GABRG3: variants seen among roughly 807,000 people sequenced by gnomAD.
GABRG3 encodes the protein gamma-aminobutyric acid receptor subunit gamma-3.
In GABRG3, 25 loss-of-function variants were observed where a neutral mutation model predicts 48.8. The ratio of observed to expected loss-of-function variants is 0.51; its 90% CI spans 0.37 to 0.72. The LOEUF (loss-of-function observed/expected upper bound fraction) is 0.72, where lower values mean the gene tolerates loss of function less well. GABRG3 is among the 30% of genes least tolerant of loss of function. The probability of loss-of-function intolerance (pLI) is 0.00; values close to 1 mark genes in which losing one functional copy is unlikely to be tolerated. For synonymous variants in GABRG3, 227 were observed against 217.6 expected, an observed-to-expected ratio of 1.04 and a Z score of -0.38; for missense variants, 394 against 577.9, an observed-to-expected ratio of 0.68 and a Z score of 3.26.
chr15:27,188,282 A>G (rs552069841), intron 3 of GABRG3, among the ~76,000 whole-genome samples: 176 of 152,312 alleles, frequency 1.2e-3, no homozygotes, highest in African/African-American at 4.1e-3. Flanking sequence ...TTCTAGTTCT[A>G]GATCCCTGAG....
At chr15:27,135,375 C>A (rs1170813290) in intron 3 of GABRG3, among the ~76,000 whole-genome samples, 1 of 152,134 alleles carries the variant, frequency 6.6e-6, no homozygotes, top group Non-Finnish European at 1.5e-5. Flanking sequence ...AGTGGCTGTT[C>A]TTATGTGCTT....
rs1893336106 is a variant in GABRG3, at chr15:27,319,187, T to G, written c.271-7622T>G. Among the ~76,000 whole-genome samples the G allele has an allele frequency of 6.6e-6, 1 of 152,176 alleles. No homozygotes were observed. ...TCATGCATCTTGAACATAGAGAATT[T>G]TTATTTGTCAATTCTAGCTCAGTAA... On this transcript the variant is annotated intron_variant, in intron 3 of 9. Coordinates refer to ENST00000615808, the MANE Select transcript of GABRG3 (RefSeq NM_033223.5). This position sits in a 1 kb window ranked among gnomAD's most constrained non-coding sequence, Gnocchi z 4.4.
At chr15:27,404,017 T>C (rs1383234806) in intron 5 of GABRG3, among the ~76,000 whole-genome samples, 2 of 149,706 alleles carry the variant, frequency 1.3e-5, no homozygotes, top group East Asian at 3.9e-4. Context: ...GTCAGGAGAT[T>C]AAGACCAACC....
Position 27,520,128 on chromosome 15 carries a change from A to G in GABRG3, c.865+4A>G. 6.3e-7 allele frequency: 1 copy of G among 1,587,954 alleles called. No homozygotes were observed. Among genetic ancestry groups the G allele is most frequent in the Middle Eastern group, 1.7e-4 (1 of 6,018 alleles). On this transcript the variant is annotated splice_donor_region_variant and intron_variant, in intron 7 of 9. Coordinates refer to ENST00000615808, the MANE Select transcript of GABRG3 (RefSeq NM_033223.5). ...ACGCCAGCAAGAACAGCATTAGGTG[A>G]GTTTCAAAAAATCTCTTCCACAAAT... is the stretch of plus-strand genomic sequence containing the variant.
chr15:27,292,566 A>G (rs1356290624), intron 3 of GABRG3, among the ~76,000 whole-genome samples: 3 of 152,218 alleles, frequency 2.0e-5, no homozygotes, highest in Admixed American at 1.3e-4. Context: ...TAATCATACT[A>G]TAGATGATAC....
intron 3 of GABRG3, among the ~76,000 whole-genome samples, chr15:27,050,863 A>G (rs1343008035): frequency 6.6e-6 from 1 of 152,198 alleles, no homozygotes; most frequent in Non-Finnish European, 1.5e-5. Context: ...CAATAGCTGT[A>G]CATATTTTGC....
In GABRG3 at chr15:27,179,316, G is replaced by A. The variant is rs554791993; in HGVS notation, c.271-147493G>A. ...CAGCTGTAACAATTTCCCACATGTG[G>A]CCAATGCACTTTATCATATGTGTCC... On this transcript the variant is annotated intron_variant, in intron 3 of 9. Transcript: ENST00000615808. The surrounding 1 kb of genome is among the most constrained non-coding windows in gnomAD (Gnocchi z 4.0). 6.6e-6 allele frequency among the ~76,000 whole-genome samples: 1 copy of A among 152,114 alleles called. No individual in the cohort carries two copies. Among genetic ancestry groups the A allele is most frequent in the South Asian group, 2.1e-4 (1 of 4,824 alleles).
chr15:27,064,498 C>T (rs1322005660), intron 3 of GABRG3, among the ~76,000 whole-genome samples: 1 of 152,150 alleles, frequency 6.6e-6, no homozygotes, highest in East Asian at 1.9e-4. Flanking sequence ...TGGCCTTTGT[C>T]TGGCTTGGTT....
intron 2 of GABRG3, among the ~76,000 whole-genome samples, chr15:27,010,759 A>G (rs1040473247): frequency 6.6e-6 from 1 of 152,086 alleles, no homozygotes; most frequent in Non-Finnish European, 1.5e-5. Context: ...CTTAATCTCC[A>G]TTGCCTTTGC....
intron 3 of GABRG3, among the ~76,000 whole-genome samples, chr15:27,176,402 CT>C (rs1234494865): frequency 6.2e-4 from 94 of 152,278 alleles, no homozygotes; most frequent in African/African-American, 2.2e-3. Flanking sequence ...CCAGTGTTTA[CT>C]GAATAGCTTA....
At chr15:27,384,494 C>T (rs542266559) in intron 5 of GABRG3, among the ~76,000 whole-genome samples, 47 of 152,246 alleles carry the variant, frequency 3.1e-4, no homozygotes, top group Non-Finnish European at 5.4e-4. Flanking sequence ...GAAATACACA[C>T]GCACACACAC....
chr15:27,026,045 G>A (rs941372672), intron 2 of GABRG3, among the ~76,000 whole-genome samples: 2 of 152,164 alleles, frequency 1.3e-5, no homozygotes, highest in Admixed American at 6.5e-5. Context: ...AGCCAAGTGA[G>A]CCAGGGTAGC....
At position 27,179,192 on chromosome 15, in the gene GABRG3, G is replaced by A. The variant is rs1416872149; in HGVS notation, c.271-147617G>A. On this transcript the variant is annotated intron_variant, in intron 3 of 9. Transcript: ENST00000615808. This position sits in a 1 kb window ranked among gnomAD's most constrained non-coding sequence, Gnocchi z 4.0. Reference sequence around the variant, plus strand: ...ATCCTCTTCAGAAATTCTAATCAATGCCTGTATCAGAAATATTGCTTACTC... The same window carrying A: ...ATCCTCTTCAGAAATTCTAATCAATACCTGTATCAGAAATATTGCTTACTC... Among the ~76,000 whole-genome samples, 1 of 152,156 alleles carries A rather than the reference G, an allele frequency of 6.6e-6. No homozygotes were observed. The highest frequency in any genetic ancestry group is 1.9e-4 in the East Asian group (1 of 5,182).
intron 5 of GABRG3, among the ~76,000 whole-genome samples, chr15:27,342,001 C>A (rs1015018018): frequency 6.6e-5 from 10 of 152,210 alleles, no homozygotes; most frequent in African/African-American, 2.2e-4. Flanking sequence ...TTTTAAGAGA[C>A]AATGTTCCAT....
At chr15:26,979,871 G>A (rs72715911) in intron 2 of GABRG3, among the ~76,000 whole-genome samples, 11,688 of 152,172 alleles carry the variant, frequency 0.077, 580 homozygotes, top group Middle Eastern at 0.19. Context: ...GGGTTGGGAC[G>A]TACTCCCTCA....
At chr15:27,364,656 G>T (rs1895131504) in intron 5 of GABRG3, 1 of 152,228 alleles carries the variant, frequency 6.6e-6, no homozygotes, top group Non-Finnish European at 1.5e-5. Context: ...AGTCGGTAGA[G>T]GGGAGGAGAG....
intron 5 of GABRG3, among the ~76,000 whole-genome samples, chr15:27,342,898 C>T (rs1378254914): frequency 6.6e-6 from 1 of 152,220 alleles, no homozygotes; most frequent in Non-Finnish European, 1.5e-5. Flanking sequence ...CGTTGTTGCC[C>T]ATTCTGCTCA....
At chr15:27,157,495 C>T (rs1898463482) in intron 3 of GABRG3, 1 of 152,178 alleles carries the variant, frequency 6.6e-6, no homozygotes, top group African/African-American at 2.4e-5. Context: ...TATACCCCTG[C>T]CTTTCACATA....
chr15:27,048,655 G>C (rs1292493071), intron 3 of GABRG3, among the ~76,000 whole-genome samples: 1 of 152,180 alleles, frequency 6.6e-6, no homozygotes, highest in Non-Finnish European at 1.5e-5. Flanking sequence ...CCACGGGTGG[G>C]CAGGCATTGT....
Sources: allele counts gnomAD v4.1 joint callset (sites outside exome capture counted in the v4.1 genomes callset), GRCh38; gene constraint gnomAD v4.1.1; non-coding constraint Gnocchi (gnomAD v3.1); transcripts MANE v1.5; gene names NCBI Gene and HGNC (gene_info 2026-07-23, HGNC 2026-07-21).